The following SAMD5 variants were observed in gnomAD, a reference collection of about 807,000 sequenced individuals.
SAMD5 encodes the protein sterile alpha motif domain containing 5, also known as sterile alpha motif domain-containing protein 5.
SAMD5 carries 13 observed loss-of-function variants against 11.3 expected under a neutral mutation model. That is an observed-to-expected ratio of 1.15 (90% CI 0.75 to 1.83). The LOEUF (loss-of-function observed/expected upper bound fraction) is 1.83. SAMD5 is among the 40% of genes most tolerant of loss of function. The probability of loss-of-function intolerance (pLI) is 0.00; values close to 1 mark genes in which losing one functional copy is unlikely to be tolerated. For synonymous variants in SAMD5, 129 were observed against 111.3 expected, an observed-to-expected ratio of 1.16 and a Z score of -1.00; for missense variants, 255 against 239.1, an observed-to-expected ratio of 1.07 and a Z score of -0.44.
intron 1 of SAMD5, among the ~76,000 whole-genome samples, chr6:147,596,015 G>A (rs6911974): frequency 0.048 from 7,368 of 152,180 alleles, 545 homozygotes; most frequent in African/African-American, 0.16. Flanking sequence ...GGATATCAAT[G>A]TAAAATATGT....
chr6:147,689,320 T>G (rs1299724709), intron 1 of SAMD5, among the ~76,000 whole-genome samples: 4 of 152,196 alleles, frequency 2.6e-5, no homozygotes, highest in Admixed American at 1.3e-4. Flanking sequence ...TAAATTAGTT[T>G]AGTACTAAAA....
At chr6:147,536,826 C>T (rs111896770) in intron 1 of SAMD5, among the ~76,000 whole-genome samples, 5,668 of 152,042 alleles carry the variant, frequency 0.037, 338 homozygotes, top group African/African-American at 0.13. Flanking sequence ...TATACAAATA[C>T]AGTCCAAAGA....
chr6:147,683,433 G>A (rs1790967352), intron 1 of SAMD5, among the ~76,000 whole-genome samples: 1 of 152,154 alleles, frequency 6.6e-6, no homozygotes, highest in Non-Finnish European at 1.5e-5. Context: ...AAATGCAGAT[G>A]TATTTAAAAT....
At chr6:147,768,384 GCTACTTGGGAGGCTGAGGTAAGAGAATCA>G in the SAMD5 span, among the ~76,000 whole-genome samples, 1 of 152,088 alleles carries the variant, frequency 6.6e-6, no homozygotes, top group Admixed American at 6.6e-5. Flanking sequence ...TGTAATCCCA[GCTACTTGGGAGGCTGAGGTAAGAGAATCA>G]CTTGAACCCG....
chr6:147,663,131 T>C (rs1381597517), intron 1 of SAMD5, among the ~76,000 whole-genome samples: 1 of 152,214 alleles, frequency 6.6e-6, no homozygotes, highest in African/African-American at 2.4e-5. Context: ...AAAATGTGAA[T>C]ATTAGAATTA....
At chr6:147,837,496 T>A in the SAMD5 span, among the ~76,000 whole-genome samples, 16,793 of 152,246 alleles carry the variant, frequency 0.11, 1,174 homozygotes, top group East Asian at 0.34. Context: ...TAAAGGCTTC[T>A]GAGGAAACTG....
the SAMD5 span, among the ~76,000 whole-genome samples, chr6:147,914,869 C>G: frequency 4.0e-5 from 6 of 151,860 alleles, no homozygotes; most frequent in African/African-American, 1.5e-4. Context: ...ATAATCATGA[C>G]GAAACATCAG....
the SAMD5 span, among the ~76,000 whole-genome samples, chr6:147,874,913 C>T: frequency 6.6e-6 from 1 of 151,910 alleles, no homozygotes; most frequent in Non-Finnish European, 1.5e-5. Context: ...TGTTAAGCTG[C>T]GTTAAGAGTT....
chr6:147,633,235 A>C (rs1379689784), intron 1 of SAMD5, among the ~76,000 whole-genome samples: 1 of 152,184 alleles, frequency 6.6e-6, no homozygotes, highest in Non-Finnish European at 1.5e-5. Context: ...TTTGTCTTTA[A>C]ACTGTAGTAA....
the SAMD5 span, among the ~76,000 whole-genome samples, chr6:147,819,721 A>G: frequency 0.09 from 13,669 of 152,234 alleles, 997 homozygotes; most frequent in African/African-American, 0.2. Flanking sequence ...GACCTTGGAT[A>G]GGGGCTCCCC....
At chr6:147,668,569 C>T (rs1790753814) in intron 1 of SAMD5, among the ~76,000 whole-genome samples, 1 of 152,130 alleles carries the variant, frequency 6.6e-6, no homozygotes, top group South Asian at 2.1e-4. Context: ...TTTGGCTGGG[C>T]GTGGTGGCTC....
chr6:147,535,183 G>A (rs1212722249), intron 1 of SAMD5, among the ~76,000 whole-genome samples: 1 of 152,192 alleles, frequency 6.6e-6, no homozygotes, highest in African/African-American at 2.4e-5. Flanking sequence ...GGGACGTAGT[G>A]GGAATGGGAG....
chr6:147,903,551 T>C, the SAMD5 span, among the ~76,000 whole-genome samples: 2 of 152,298 alleles, frequency 1.3e-5, no homozygotes, highest in Non-Finnish European at 2.9e-5. Flanking sequence ...CTGTCAAATA[T>C]GTGTGGATAA....
intron 1 of SAMD5, among the ~76,000 whole-genome samples, chr6:147,592,661 C>T (rs917764995): frequency 5.3e-5 from 8 of 151,786 alleles, no homozygotes; most frequent in African/African-American, 1.7e-4. Context: ...TGAACATGTT[C>T]GCTCTGAAGG....
At chr6:147,580,746 C>G (rs553594123) in intron 1 of SAMD5, among the ~76,000 whole-genome samples, 82 of 152,236 alleles carry the variant, frequency 5.4e-4, no homozygotes, top group African/African-American at 1.9e-3. Context: ...CAATATATAT[C>G]TGGTGAATTC....
chr6:147,933,802 A>T, the SAMD5 span, among the ~76,000 whole-genome samples: 18,488 of 152,100 alleles, frequency 0.12, 1,226 homozygotes, highest in South Asian at 0.15. Context: ...GAGAAAATGC[A>T]TTGGGTCTAT....
At chr6:147,618,200 C>A (rs1260135550) in intron 1 of SAMD5, among the ~76,000 whole-genome samples, 1 of 152,188 alleles carries the variant, frequency 6.6e-6, no homozygotes, top group African/African-American at 2.4e-5. Flanking sequence ...GTTCTGGGCA[C>A]TGGGCTGGAT....
chr6:147,582,493 G>A (rs1450861956), intron 1 of SAMD5, among the ~76,000 whole-genome samples: 1 of 152,150 alleles, frequency 6.6e-6, no homozygotes, highest in Middle Eastern at 3.2e-3. Flanking sequence ...GTTTGAATGG[G>A]GCTAATGTAA....
At chr6:147,619,610 C>A (rs1053390842) in intron 1 of SAMD5, among the ~76,000 whole-genome samples, 6 of 152,326 alleles carry the variant, frequency 3.9e-5, no homozygotes, top group Middle Eastern at 6.8e-3. Flanking sequence ...TGTGCTATTT[C>A]TGCTTTTCTG....
Sources: gnomAD v4.1 joint callset for allele counts (sites outside exome capture counted in the v4.1 genomes callset) on GRCh38, gnomAD v4.1.1 for gene constraint, MANE v1.5 for transcripts, NCBI Gene and HGNC (gene_info 2026-07-23, HGNC 2026-07-21) for gene names.